Variants in TAS2R30 observed in about 807,000 individuals in gnomAD.
The protein encoded by TAS2R30 is taste receptor type 2 member 30.
For synonymous variants in TAS2R30, 141 were observed against 131.6 expected (o/e 1.07, Z -0.49); for missense variants, 395 against 371.6 (o/e 1.06, Z -0.52).
exon 1 of TAS2R30, chr12:11,133,469 G>C: frequency 6.2e-7 from 1 of 1,614,098 alleles, no homozygotes; most frequent in Non-Finnish European, 8.5e-7. Context: ...CATGAAGACA[G>C]GTTGCTTTTC....
chr12:11,134,065 C>T, the TAS2R30 span: 134 of 1,613,908 alleles, frequency 8.3e-5, no homozygotes, highest in Non-Finnish European at 1.1e-4. Context: ...GTAATAACAC[C>T]CAGAGCAAAC....
chr12:11,133,369 T>G (rs1211715042), exon 1 of TAS2R30: 1 of 1,613,692 alleles, frequency 6.2e-7, no homozygotes, highest in Non-Finnish European at 8.5e-7. Flanking sequence ...GCCGCAAAAC[T>G]GAAAGAAAAA....
exon 1 of TAS2R30, chr12:11,133,796 T>A: frequency 1.2e-6 from 2 of 1,614,168 alleles, no homozygotes; most frequent in Non-Finnish European, 1.7e-6. Flanking sequence ...TACAGTCTCA[T>A]CCATGTTTAT....
At chr12:11,134,534 A>G (rs1450298346) in exon 1 of TAS2R30, 4 of 349,010 alleles carry the variant, frequency 1.1e-5, no homozygotes, top group Non-Finnish European at 1.5e-5. Flanking sequence ...TCATACTGAA[A>G]TTGACATGAA....
chr12:11,133,996 A>G, exon 1 of TAS2R30: 1 of 1,614,148 alleles, frequency 6.2e-7, no homozygotes, highest in South Asian at 1.1e-5. Flanking sequence ...CATTATAAGC[A>G]GTAATTCTTA....
At chr12:11,134,154 T>C (rs1946477110) in exon 1 of TAS2R30, 1 of 1,614,046 alleles carries the variant, frequency 6.2e-7, no homozygotes, top group Admixed American at 1.7e-5. Flanking sequence ...TCAATGGAAT[T>C]TACCAATGCT....
At chr12:11,133,120 T>TACACACACAC in exon 1 of TAS2R30, 3 of 496,930 alleles carry the variant, frequency 6.0e-6, no homozygotes, top group East Asian at 4.0e-5. Flanking sequence ...CAGTTTTTCA[T>TACACACACAC]ACACACACAC....
At chr12:11,133,928 T>A (rs1253119696) in exon 1 of TAS2R30, 1 of 1,614,024 alleles carries the variant, frequency 6.2e-7, no homozygotes. Flanking sequence ...CCTGAGCAAA[T>A]AAAACATGCT....
At chr12:11,134,024 G>C (rs753033828) in exon 1 of TAS2R30, 2 of 1,614,076 alleles carry the variant, frequency 1.2e-6, no homozygotes, top group Non-Finnish European at 1.7e-6. Context: ...ACTATAAAAA[G>C]CTGGATTCAA....
rs755235118 is a variant in TAS2R30 at position 11,133,874 on chromosome 12, C to A, written c.371G>T (p.Arg124Ile). The change falls in exon 1 of 1, where the codon AGA becomes ATA. Residue 124 changes from arginine (R) to isoleucine (I), a missense_variant. Coordinates refer to ENST00000539585, the Ensembl canonical transcript of TAS2R30. ...TATCACCAGAACAACACTCTTAACT[C>A]TCCTCTTTATGCGAAGAAAAATAAG... 1.9e-6 allele frequency: 3 copies of A among 1,614,132 alleles called. No individual in the cohort carries two copies. The South Asian group carries it at 3.3e-5, about 18-fold the overall frequency.
exon 1 of TAS2R30, chr12:11,134,326 T>A (rs1946484852): frequency 1.5e-6 from 2 of 1,309,308 alleles, no homozygotes; most frequent in African/African-American, 2.9e-5. Flanking sequence ...GACCTTAAAT[T>A]CTATATGCAC....
exon 1 of TAS2R30, chr12:11,133,340 T>C (rs752767803): frequency 1.9e-6 from 3 of 1,613,916 alleles, no homozygotes; most frequent in South Asian, 2.2e-5. Flanking sequence ...GCTTCTGTCT[T>C]TCACCCAGTA....
At chr12:11,133,874 C>T (rs755235118) in exon 1 of TAS2R30, 2 of 1,614,014 alleles carry the variant, frequency 1.2e-6, no homozygotes, top group Admixed American at 1.7e-5. Context: ...ACTCTTAACT[C>T]TCCTCTTTAT....
At chr12:11,133,517 A>G (rs1946438646) in exon 1 of TAS2R30, 1 of 1,614,198 alleles carries the variant, frequency 6.2e-7, no homozygotes, top group Admixed American at 1.7e-5. Context: ...GATCATGGAC[A>G]GAAAGTAAAT....
At chr12:11,134,396 G>C in exon 1 of TAS2R30, 1 of 989,626 alleles carries the variant, frequency 1.0e-6, no homozygotes, top group Non-Finnish European at 1.4e-6. Context: ...CCAGTGTCAA[G>C]TCAGAAATCA....
At chr12:11,133,901 T>G in exon 1 of TAS2R30, 2 of 1,614,010 alleles carry the variant, frequency 1.2e-6, no homozygotes, top group South Asian at 2.2e-5. Context: ...AAAAATAAGG[T>G]TGGAGAAATT....
Position 11,133,456 on chromosome 12 carries a change from G to T in TAS2R30, c.789C>A (p.Phe263Leu), listed in dbSNP as rs537803211. Residue 263 changes from phenylalanine to leucine, a missense_variant, in exon 1 of 1, where the codon TTC (phenylalanine) becomes TTA (leucine). By Grantham distance (22) the Phe-to-Leu change is conservative (BLOSUM62 0). Coordinates refer to ENST00000539585, the Ensembl canonical transcript of TAS2R30. ...GATAGCTGAATATAATAGCTTGGCA[G>T]AACATGAAGACAGGTTGCTTTTCCA... is the stretch of plus-strand genomic sequence containing the variant. The T allele has an allele frequency of 1.9e-5, 31 of 1,614,102 alleles. No individual in the cohort carries two copies. The East Asian group carries it at 6.7e-4, about 35-fold the overall frequency.
At chr12:11,133,795 A>T (rs1946454219) in exon 1 of TAS2R30, 5 of 1,614,168 alleles carry the variant, frequency 3.1e-6, no homozygotes, top group Non-Finnish European at 4.2e-6. Context: ...ATACAGTCTC[A>T]TCCATGTTTA....
At chr12:11,133,152 T>TAC in exon 1 of TAS2R30, 1 of 1,024,458 alleles carries the variant, frequency 9.8e-7, no homozygotes, top group Non-Finnish European at 1.4e-6. Context: ...CATCTATATA[T>TAC]ATGTACTTTT....
Sources: allele counts gnomAD v4.1 joint callset, GRCh38; gene constraint gnomAD v4.1.1; transcripts MANE v1.5; gene names NCBI Gene and HGNC (gene_info 2026-07-23, HGNC 2026-07-21).